The following RALYL variants were observed in gnomAD, a reference collection of about 807,000 sequenced individuals.
RALYL encodes RALY RNA binding protein like.
A neutral mutation model predicts 35.1 loss-of-function variants in RALYL; 29 were observed. That is an observed-to-expected ratio of 0.83 (90% CI 0.61 to 1.13). RALYL has a LOEUF of 1.13. Ranked by LOEUF, RALYL falls within the 50% of genes most tolerant of loss-of-function variation. The pLI is 0.00. For synonymous variants in RALYL, 120 were observed against 127.6 expected, an observed-to-expected ratio of 0.94 and a Z score of 0.40; for missense variants, 359 against 360.4, an observed-to-expected ratio of 1.00 and a Z score of 0.03.
chr8:84,613,881 T>TATATATATAA (rs1041934122), intron 2 of RALYL, among the ~76,000 whole-genome samples: 1 of 148,700 alleles, frequency 6.7e-6, no homozygotes, highest in African/African-American at 2.5e-5. Flanking sequence ...TATATATATA[T>TATATATATAA]AATACACAAA....
At chr8:84,763,606 T>C (rs1420111838) in intron 2 of RALYL, among the ~76,000 whole-genome samples, 1 of 152,208 alleles carries the variant, frequency 6.6e-6, no homozygotes, top group Admixed American at 6.6e-5. Context: ...GTCTGGATTT[T>C]CTTCTATTCA....
intron 7 of RALYL, among the ~76,000 whole-genome samples, chr8:84,886,539 C>T (rs1563809708): frequency 1.3e-5 from 2 of 152,068 alleles, no homozygotes; most frequent in Non-Finnish European, 2.9e-5. Context: ...TAAAAAATAA[C>T]CCAGCAAAAT....
At chr8:84,840,818 T>A (rs979461494) in intron 4 of RALYL, among the ~76,000 whole-genome samples, 2 of 152,220 alleles carry the variant, frequency 1.3e-5, no homozygotes, top group African/African-American at 4.8e-5. Context: ...ATATTCAACA[T>A]TCTTAAAGAA....
intron 2 of RALYL, among the ~76,000 whole-genome samples, chr8:84,729,793 A>G (rs1845773940): frequency 6.6e-6 from 1 of 152,158 alleles, no homozygotes; most frequent in Admixed American, 6.6e-5. Flanking sequence ...GAAGAAATGG[A>G]TAAATTCCTC....
chr8:84,370,132 G>C (rs1855388009), intron 1 of RALYL, among the ~76,000 whole-genome samples: 1 of 152,040 alleles, frequency 6.6e-6, no homozygotes. Flanking sequence ...TCTAAGGGCA[G>C]GTATACAATT....
chr8:84,734,157 C>T (rs564641810), intron 2 of RALYL, among the ~76,000 whole-genome samples: 16 of 152,162 alleles, frequency 1.1e-4, no homozygotes, highest in Admixed American at 1.0e-3. Flanking sequence ...CCACATTTAT[C>T]TCTGTTTACT....
intron 1 of RALYL, among the ~76,000 whole-genome samples, chr8:84,362,558 C>T (rs916358239): frequency 1.3e-5 from 2 of 152,238 alleles, no homozygotes; most frequent in Non-Finnish European, 2.9e-5. Flanking sequence ...CTCACAGAAG[C>T]GTGAACCCTG....
chr8:84,427,093 T>G (rs201817603), intron 1 of RALYL, among the ~76,000 whole-genome samples: 1 of 152,338 alleles, frequency 6.6e-6, no homozygotes, highest in East Asian at 1.9e-4. Flanking sequence ...ATAATTTTAC[T>G]AATTTCAAAG....
intron 1 of RALYL, among the ~76,000 whole-genome samples, chr8:84,253,364 ATT>A (rs535716220): frequency 2.5e-4 from 25 of 99,482 alleles, no homozygotes; most frequent in Admixed American, 3.0e-4. Flanking sequence ...TAATTTTTGT[ATT>A]TTTTTTTTTT....
chr8:84,303,041 T>A (rs1841115522), intron 1 of RALYL, among the ~76,000 whole-genome samples: 1 of 152,202 alleles, frequency 6.6e-6, no homozygotes, highest in South Asian at 2.1e-4. Flanking sequence ...TTTACCAATA[T>A]GCTGTTGAGG....
intron 1 of RALYL, among the ~76,000 whole-genome samples, chr8:84,423,704 T>C (rs1312572255): frequency 6.6e-5 from 10 of 151,930 alleles, no homozygotes; most frequent in Non-Finnish European, 1.0e-4. Flanking sequence ...TTCCTTTCCA[T>C]GTTTAGTGCT....
intron 1 of RALYL, among the ~76,000 whole-genome samples, chr8:84,200,802 G>A (rs757878363): frequency 1.6e-4 from 24 of 152,070 alleles, no homozygotes; most frequent in Non-Finnish European, 2.9e-4. Flanking sequence ...GATGACAATT[G>A]TGTTTTTAAG....
At chr8:84,456,241 A>C (rs867437197) in intron 1 of RALYL, among the ~76,000 whole-genome samples, 3 of 152,112 alleles carry the variant, frequency 2.0e-5, no homozygotes, top group Non-Finnish European at 2.9e-5. Context: ...TTTTGAATAC[A>C]TTAAAAAATG....
At chr8:84,830,558 A>AAG (rs1563697497) in intron 4 of RALYL, among the ~76,000 whole-genome samples, 1 of 152,194 alleles carries the variant, frequency 6.6e-6, no homozygotes, top group Admixed American at 6.6e-5. Flanking sequence ...TATAAGTGCC[A>AAG]AGTAAACAAT....
intron 1 of RALYL, among the ~76,000 whole-genome samples, chr8:84,469,911 G>C (rs372282870): frequency 6.6e-6 from 1 of 152,164 alleles, no homozygotes; most frequent in Non-Finnish European, 1.5e-5. Flanking sequence ...TCCAGGTGCC[G>C]TCTGTCAGCC....
At chr8:84,625,819 G>A (rs1006181527) in intron 2 of RALYL, among the ~76,000 whole-genome samples, 1 of 152,172 alleles carries the variant, frequency 6.6e-6, no homozygotes, top group African/African-American at 2.4e-5. Context: ...AGGAGTTTTT[G>A]TTAGAGCTGG....
chr8:84,407,018 CTATATA>C lies in RALYL; in HGVS notation c.-23-122268_-23-122263del, dbSNP rs5892918. Among the ~76,000 whole-genome samples the C allele has an allele frequency of 9.2e-3, 1,355 of 148,026 alleles. 16 individuals are homozygous for C. The highest frequency in any genetic ancestry group is 0.032 in the African/African-American group (1,255 of 39,468). ...TCTCTCTCCCTCTCTCTCTCTCTCT[CTATATA>C]TATATATATATACACACACACACTC... On this transcript the variant is annotated intron_variant, in intron 1 of 8. Transcript: ENST00000521268.
intron 1 of RALYL, among the ~76,000 whole-genome samples, chr8:84,404,792 G>A (rs1037302889): frequency 1.3e-5 from 2 of 152,072 alleles, no homozygotes; most frequent in Non-Finnish European, 2.9e-5. Context: ...CTGTGAATCT[G>A]TCTGGTCCAG....
At chr8:84,700,308 A>T in intron 2 of RALYL, among the ~76,000 whole-genome samples, 1 of 152,306 alleles carries the variant, frequency 6.6e-6, no homozygotes, top group East Asian at 1.9e-4. Context: ...ACATGTAAGT[A>T]TTAAATATTT....
Sources: allele counts gnomAD v4.1 joint callset (sites outside exome capture counted in the v4.1 genomes callset), GRCh38; gene constraint gnomAD v4.1.1; transcripts MANE v1.5; gene names NCBI Gene and HGNC (gene_info 2026-07-23, HGNC 2026-07-21).